CEP128: variants seen among roughly 807,000 people sequenced by gnomAD.
CEP128 encodes the protein centrosomal protein 128kDa.
A neutral mutation model predicts 156.7 loss-of-function variants in CEP128; 132 were observed. The ratio of observed to expected loss-of-function variants is 0.84; its 90% CI spans 0.73 to 0.97. CEP128 has a LOEUF of 0.97. CEP128 is among the 50% of genes least tolerant of loss of function. The pLI, the probability that CEP128 is intolerant of heterozygous loss-of-function variation, is 0.00. For synonymous variants in CEP128, 469 were observed against 448.9 expected, an observed-to-expected ratio of 1.04 and a Z score of -0.57; for missense variants, 1,252 against 1,281.9, an observed-to-expected ratio of 0.98 and a Z score of 0.36.
In CEP128 at chr14:80,481,181, G is replaced by T. The variant is rs1280918252; in HGVS notation, c.*311-2774C>A. Reference sequence around the variant, plus strand: ...ACATACCCGAGACAGGGAAGAAAAAGAGGTTTAACTGGACTTACAGTTCTG... The same window carrying T: ...ACATACCCGAGACAGGGAAGAAAAATAGGTTTAACTGGACTTACAGTTCTG... On this transcript the variant is annotated intron_variant and NMD_transcript_variant, in intron 14 of 14. Transcript: ENST00000554502. Among the ~76,000 whole-genome samples, 3 of 152,196 alleles carry T rather than the reference G, an allele frequency of 2.0e-5. No homozygotes were observed. The East Asian group carries it at 5.8e-4, about 29-fold the overall frequency.
At chr14:80,792,443 A>AT (rs771874765) in intron 14 of CEP128, among the ~76,000 whole-genome samples, 4 of 152,086 alleles carry the variant, frequency 2.6e-5, no homozygotes, top group Non-Finnish European at 4.4e-5. Flanking sequence ...AGATTTAGTC[A>AT]TTTTTTTTCC....
intron 13 of CEP128, among the ~76,000 whole-genome samples, chr14:80,797,664 T>C (rs1227476440): frequency 6.6e-6 from 1 of 152,120 alleles, no homozygotes; most frequent in Non-Finnish European, 1.5e-5. Flanking sequence ...CCCACATCAA[T>C]CAAAGGACTA....
chr14:80,850,030 T>C (rs1886807866), intron 9 of CEP128, among the ~76,000 whole-genome samples: 1 of 152,114 alleles, frequency 6.6e-6, no homozygotes. Flanking sequence ...TTTTACTAGA[T>C]ATAAATAGTT....
At chr14:80,891,326 A>G (rs566939921) in intron 8 of CEP128, among the ~76,000 whole-genome samples, 1 of 152,234 alleles carries the variant, frequency 6.6e-6, no homozygotes, top group East Asian at 1.9e-4. Flanking sequence ...ACAGAAGAAT[A>G]AATAAAGAAA....
intron 2 of CEP128, among the ~76,000 whole-genome samples, chr14:80,935,399 T>C (rs1478545765): frequency 6.6e-6 from 1 of 151,422 alleles, no homozygotes; most frequent in Non-Finnish European, 1.5e-5. Flanking sequence ...AAAACTACAA[T>C]AATTAGCTGG....
rs146810381 is a variant in CEP128, at chr14:80,727,362, T to A, written c.2806+15713A>T. On this transcript the variant is annotated intron_variant, in intron 19 of 24. Coordinates refer to ENST00000555265, the MANE Select transcript of CEP128 (RefSeq NM_152446.5). ...CTCAGGGGAAGCTTAGATATCCATGTCACCTCACTCCAGAAGTCAGAGGGA... is the reference window on the plus strand; with the variant it reads ...CTCAGGGGAAGCTTAGATATCCATGACACCTCACTCCAGAAGTCAGAGGGA... 2.0e-5 allele frequency among the ~76,000 whole-genome samples: 3 copies of A among 152,256 alleles called. No individual in the cohort carries two copies. The East Asian group carries it at 5.8e-4, about 29-fold the overall frequency.
intron 19 of CEP128, among the ~76,000 whole-genome samples, chr14:80,594,560 G>C (rs1188604954): frequency 6.6e-6 from 1 of 152,122 alleles, no homozygotes; most frequent in Non-Finnish European, 1.5e-5. Context: ...GAACATTTTT[G>C]CAATCTCTCC....
rs1156852172 is a variant in CEP128, at chr14:80,955,270, G to T, written c.-172+2908C>A. On this transcript the variant is annotated intron_variant, in intron 2 of 7. Coordinates refer to the CEP128 transcript ENST00000555529. ...AGAAGGCTACACGCTAGGGAAGGTG[G>T]CTCCTTGGATTTAAAGAGGAGGAAA... 1.4e-5 allele frequency: 5 copies of T among 353,766 alleles called. 1 individual carries two copies. The highest frequency in any genetic ancestry group is 2.7e-5 in the Non-Finnish European group (5 of 185,026). The allele number at this position is 353,766 out of a possible 1,614,324, so 21.9% of individuals were successfully genotyped here.
At chr14:80,959,181 TG>T (rs1163515690) in intron 1 of CEP128, among the ~76,000 whole-genome samples, 2 of 152,090 alleles carry the variant, frequency 1.3e-5, no homozygotes, top group East Asian at 3.9e-4. Flanking sequence ...CAGAAGGGTA[TG>T]ATGCTTTACC....
downstream of CEP128, among the ~76,000 whole-genome samples, chr14:80,495,618 A>G (rs1376156632): frequency 1.3e-5 from 2 of 151,972 alleles, no homozygotes; most frequent in African/African-American, 4.8e-5. Context: ...GCATTTCTCA[A>G]GTAAATAATT....
Position 80,836,076 on chromosome 14 carries a change from T to C in CEP128, c.1057+129A>G, listed in dbSNP as rs192752567. The C allele has an allele frequency of 2.5e-4, 208 of 840,916 alleles. 2 individuals carry two copies. In the East Asian group the frequency reaches 4.9e-3, roughly 20 times the overall value. 52.1% of individuals were successfully genotyped at this position (840,916 alleles called of 1,614,324 possible). A position where few individuals can be genotyped will look rare whatever the true frequency, so the allele number is the denominator to read the frequency against. On this transcript the variant is annotated intron_variant, in intron 12 of 24. Coordinates refer to ENST00000555265, the MANE Select transcript of CEP128 (RefSeq NM_152446.5). ...TATCAACTTATCAGAAAATGTTTAATAGATCAAGAAATAGTATGACGTGAG... is the reference window on the plus strand; with the variant it reads ...TATCAACTTATCAGAAAATGTTTAACAGATCAAGAAATAGTATGACGTGAG...
At chr14:80,891,308 G>A (rs1889087158) in intron 8 of CEP128, among the ~76,000 whole-genome samples, 1 of 152,022 alleles carries the variant, frequency 6.6e-6, no homozygotes, top group South Asian at 2.1e-4. Flanking sequence ...CAATCTAAGT[G>A]TCCATTGACA....
intron 14 of CEP128, among the ~76,000 whole-genome samples, chr14:80,484,939 G>T (rs1323069993): frequency 1.3e-5 from 2 of 152,070 alleles, no homozygotes; most frequent in Admixed American, 1.3e-4. Context: ...AAAGGGAAAG[G>T]GTAGAGAAAT....
At chr14:80,651,800 A>C (rs1423545597) in intron 19 of CEP128, among the ~76,000 whole-genome samples, 1 of 151,980 alleles carries the variant, frequency 6.6e-6, no homozygotes, top group Non-Finnish European at 1.5e-5. Context: ...TATGATTTCC[A>C]TTCTTTTGCA....
upstream of CEP128, chr14:80,945,686 T>C (rs1450735361): frequency 2.0e-5 from 3 of 152,220 alleles, no homozygotes; most frequent in Non-Finnish European, 4.4e-5. Flanking sequence ...TAGAATAGTC[T>C]TGATGTACGG....
intron 19 of CEP128, among the ~76,000 whole-genome samples, chr14:80,649,642 TA>T (rs1036917320): frequency 6.6e-6 from 1 of 151,670 alleles, no homozygotes; most frequent in East Asian, 1.9e-4. Context: ...AGGAATGGGG[TA>T]AAAAAAAGTC....
At chr14:80,573,101 T>C (rs1226251144) in intron 20 of CEP128, among the ~76,000 whole-genome samples, 8 of 151,834 alleles carry the variant, frequency 5.3e-5, no homozygotes, top group Non-Finnish European at 7.4e-5. Flanking sequence ...TTTTTTTTTT[T>C]TTTAGTAGAG....
At chr14:80,822,806 AT>A in intron 13 of CEP128, 1 of 745,224 alleles carries the variant, frequency 1.3e-6, no homozygotes. Flanking sequence ...AAGTGTGTGC[AT>A]TTTTGATAAC....
At chr14:80,815,220 CAAT>C (rs376571481) in intron 13 of CEP128, among the ~76,000 whole-genome samples, 29 of 152,084 alleles carry the variant, frequency 1.9e-4, no homozygotes, top group Middle Eastern at 3.4e-3. Context: ...AACGAAATAA[CAAT>C]AATAATAATA....
Sources: gnomAD v4.1 joint callset for allele counts (sites outside exome capture counted in the v4.1 genomes callset) on GRCh38, gnomAD v4.1.1 for gene constraint, MANE v1.5 for transcripts, NCBI Gene and HGNC (gene_info 2026-07-23, HGNC 2026-07-21) for gene names.